MME: variants seen among roughly 807,000 people sequenced by gnomAD.
MME encodes the protein neprilysin.
MME carries 98 observed loss-of-function variants against 113.2 expected under a neutral mutation model. That is an observed-to-expected ratio of 0.87 (90% CI 0.74 to 1.02). The LOEUF is 1.02. Ranked by LOEUF, MME falls within the 50% of genes least tolerant of loss-of-function variation. MME has a pLI of 0.00. For missense variants in MME, 836 were observed against 896.0 expected (o/e 0.93, Z 0.86); for synonymous variants, 292 against 300.6 (o/e 0.97, Z 0.30).
At chr3:155,066,228 A>T (rs1356274879) in intron 1 of MME, among the ~76,000 whole-genome samples, 4 of 152,266 alleles carry the variant, frequency 2.6e-5, no homozygotes, top group African/African-American at 4.8e-5. Flanking sequence ...AATGTAATTT[A>T]AAAAATGTGT....
chr3:155,079,806 C>G (rs566382653), upstream of MME: 42 of 152,636 alleles, frequency 2.8e-4, no homozygotes, highest in African/African-American at 1.0e-3. Flanking sequence ...GCCTCGTCGC[C>G]CCACGGCCCG....
chr3:155,121,219 T>C (rs1719096142), intron 8 of MME, among the ~76,000 whole-genome samples: 1 of 119,022 alleles, frequency 8.4e-6, no homozygotes, highest in African/African-American at 3.2e-5. Context: ...TCTCTGTTTG[T>C]CTGTTATTGG....
intron 1 of MME, among the ~76,000 whole-genome samples, chr3:155,042,930 A>ATG (rs1291550783): frequency 1.7e-4 from 12 of 70,532 alleles, no homozygotes; most frequent in African/African-American, 5.8e-4. Flanking sequence ...ATATATATAT[A>ATG]TATATATATG....
intron 3 of MME, among the ~76,000 whole-genome samples, chr3:155,091,045 C>G (rs1285631640): frequency 6.6e-6 from 1 of 152,170 alleles, no homozygotes. Context: ...CTGTAGCAGC[C>G]TTTTAGTGTA....
At chr3:155,115,245 T>C in intron 4 of MME, 90 bp downstream of exon 4, 4 of 1,477,168 alleles carry the variant, frequency 2.7e-6, no homozygotes, top group Non-Finnish European at 3.7e-6. Flanking sequence ...ACAAGGAATG[T>C]CACAGAAGAT....
chr3:155,151,428 T>C (rs964501238), intron 16 of MME, among the ~76,000 whole-genome samples: 4 of 152,286 alleles, frequency 2.6e-5, no homozygotes, highest in Middle Eastern at 3.4e-3. Context: ...GACACTTTTT[T>C]CCCCCAATTC....
chr3:155,036,209 T>G (rs1239525836), intron 1 of MME, among the ~76,000 whole-genome samples: 1 of 152,214 alleles, frequency 6.6e-6, no homozygotes, highest in Non-Finnish European at 1.5e-5. Flanking sequence ...GCATTTTCAG[T>G]GAAATCACTA....
At chr3:155,080,596 A>T (rs1351233603) in intron 1 of MME, 130 bp downstream of exon 1, 1 of 152,064 alleles carries the variant, frequency 6.6e-6, no homozygotes, top group Admixed American at 6.6e-5. Context: ...ATTTCCTATT[A>T]TATAATTAAT....
chr3:155,118,231 T>C (rs966835143), intron 7 of MME, among the ~76,000 whole-genome samples: 15 of 152,108 alleles, frequency 9.9e-5, no homozygotes, highest in Non-Finnish European at 1.9e-4. Flanking sequence ...GATTCTGGAG[T>C]TACCTTAGAG....
chr3:155,143,475 T>G lies in MME; in HGVS notation c.1221T>G (p.Thr407=), dbSNP rs767202801. Residue 407 remains threonine, a synonymous_variant, in exon 13 of 23, where the codon ACT becomes ACG. Transcript: ENST00000360490. ...ALYGTTSETA[T]WRRCANYVNG... is the part of the protein sequence containing the mutation. ...ATGGTACAACCTCAGAAACAGCAAC[T>G]TGGAGACGTTGTGCAAACTATGTCA... The G allele has an allele frequency of 3.7e-6, 6 of 1,612,582 alleles. No homozygotes were observed. The highest frequency in any genetic ancestry group is 5.1e-6 in the Non-Finnish European group (6 of 1,178,916).
At chr3:155,044,061 A>T (rs186680748) in intron 1 of MME, among the ~76,000 whole-genome samples, 1 of 150,802 alleles carries the variant, frequency 6.6e-6, no homozygotes, top group East Asian at 1.9e-4. Context: ...TATAAATTTT[A>T]TACATTCCTC....
intron 19 of MME, 27 bp downstream of exon 19, chr3:155,168,652 GT>G: frequency 6.2e-7 from 1 of 1,613,650 alleles, no homozygotes; most frequent in Non-Finnish European, 8.5e-7. Context: ...CTCTTGAAAA[GT>G]TTTAGACATG....
intron 1 of MME, among the ~76,000 whole-genome samples, chr3:155,066,574 A>G (rs34876701): frequency 0.11 from 16,341 of 152,214 alleles, 1,528 homozygotes; most frequent in African/African-American, 0.26. Flanking sequence ...TTATGGTAAT[A>G]ACTTTTGATG....
intron 4 of MME, among the ~76,000 whole-genome samples, chr3:155,116,126 G>GT (rs933864349): frequency 9.6e-5 from 14 of 146,236 alleles, no homozygotes; most frequent in African/African-American, 1.5e-4. Context: ...CTGTGTTATT[G>GT]TTTTTTTTTA....
Position 155,172,586 on chromosome 3 carries a change from A to G in MME, c.2127A>G (p.Thr709=), listed in dbSNP as rs781429831. 1.9e-6 allele frequency: 3 copies of G among 1,613,058 alleles called. No homozygotes were observed. The South Asian group carries it at 3.3e-5, about 18-fold the overall frequency. Reference sequence around the variant, plus strand: ...AGTATGCGGTTAACTCCATTAAAACAGATGTGCACAGTCCAGGCAATTTCA... The same window carrying G: ...AGTATGCGGTTAACTCCATTAAAACGGATGTGCACAGTCCAGGCAATTTCA... ...RPEYAVNSIK[T]DVHSPGNFRI... Residue 709 remains threonine, a synonymous_variant, in exon 22 of 23, where the codon ACA becomes ACG. Transcript: ENST00000360490.
At chr3:155,032,941 A>T (rs376103732) in intron 1 of MME, among the ~76,000 whole-genome samples, 1 of 152,210 alleles carries the variant, frequency 6.6e-6, no homozygotes, top group Non-Finnish European at 1.5e-5. Context: ...AGTTACAATG[A>T]TCTAATTAGC....
chr3:155,110,886 A>G (rs1444452070), intron 3 of MME, among the ~76,000 whole-genome samples: 2 of 152,176 alleles, frequency 1.3e-5, no homozygotes, highest in Non-Finnish European at 2.9e-5. Context: ...ATGCTCTTTC[A>G]CTTTACAATA....
intron 1 of MME, among the ~76,000 whole-genome samples, chr3:155,062,959 C>T (rs529675538): frequency 2.7e-4 from 39 of 144,382 alleles, no homozygotes; most frequent in Non-Finnish European, 4.5e-4. Flanking sequence ...TCACTGAACC[C>T]GGGAGGTGGA....
At chr3:155,058,461 A>AAATAAATCT (rs1390120632) in intron 1 of MME, among the ~76,000 whole-genome samples, 11 of 152,356 alleles carry the variant, frequency 7.2e-5, no homozygotes, top group Admixed American at 5.2e-4. Flanking sequence ...AAATATAAAC[A>AAATAAATCT]TAGCACGTTA....
Sources: gnomAD v4.1 joint callset for allele counts (sites outside exome capture counted in the v4.1 genomes callset) on GRCh38, gnomAD v4.1.1 for gene constraint, MANE v1.5 for transcripts, NCBI Gene and HGNC (gene_info 2026-07-23, HGNC 2026-07-21) for gene names.